PTPRG: variants seen among roughly 807,000 people sequenced by gnomAD.
PTPRG encodes the protein protein tyrosine phosphatase receptor type G, also known as receptor-type tyrosine-protein phosphatase gamma.
Under a neutral mutation model 165.3 loss-of-function variants are expected in PTPRG, and 102 were observed. The ratio of observed to expected loss-of-function variants is 0.62; its 90% CI spans 0.53 to 0.73. The LOEUF is 0.73. Among genes scored for constraint, PTPRG ranks in the 30% least tolerant of loss-of-function variants. The pLI, the probability that PTPRG is intolerant of heterozygous loss-of-function variation, is 0.00. For missense variants in PTPRG, 1,866 were observed against 1,861.4 expected (o/e 1.00, Z -0.05); for synonymous variants, 675 against 669.5 (o/e 1.01, Z -0.13).
intron 2 of PTPRG, among the ~76,000 whole-genome samples, chr3:61,908,981 A>G (rs1381623656): frequency 6.6e-6 from 1 of 152,154 alleles, no homozygotes; most frequent in Non-Finnish European, 1.5e-5. Flanking sequence ...TAGATATGCT[A>G]TCTTTTCTCA....
At chr3:62,018,283 G>C (rs2041598856) in intron 4 of PTPRG, among the ~76,000 whole-genome samples, 1 of 152,092 alleles carries the variant, frequency 6.6e-6, no homozygotes, top group Non-Finnish European at 1.5e-5. Context: ...CCTTATTACT[G>C]GTAAATGAAA....
At chr3:61,746,208 A>ATTTTTTTTTTTTT (rs750697053) in intron 1 of PTPRG, among the ~76,000 whole-genome samples, 7 of 81,322 alleles carry the variant, frequency 8.6e-5, no homozygotes, top group East Asian at 4.0e-4. Flanking sequence ...ACACACTCTA[A>ATTTTTTTTTTTTT]TTTTTTTTTT....
chr3:61,985,824 C>T (rs954955635), intron 2 of PTPRG, among the ~76,000 whole-genome samples: 1 of 152,202 alleles, frequency 6.6e-6, no homozygotes, highest in African/African-American at 2.4e-5. Context: ...AAGAGTTCTA[C>T]TGCACCCTTT....
rs921009846 is a variant in PTPRG at position 62,222,974 on chromosome 3, G to A, written c.2288+3991G>A. On this transcript the variant is annotated intron_variant, in intron 13 of 29. Transcript: ENST00000474889. The surrounding 1 kb of genome is among the most constrained non-coding windows in gnomAD (Gnocchi z 4.5). ...GGCTTCAGCCCAACCTGGAATAGGGGTTGGGGTCAGGGAAAGCTCCCTGGA... is the reference window on the plus strand; with the variant it reads ...GGCTTCAGCCCAACCTGGAATAGGGATTGGGGTCAGGGAAAGCTCCCTGGA... 6.6e-6 allele frequency among the ~76,000 whole-genome samples: 1 copy of A among 152,150 alleles called. No homozygotes were observed. The highest frequency in any genetic ancestry group is 1.5e-5 in the Non-Finnish European group (1 of 68,032).
rs1700589639 is a variant in PTPRG at position 62,219,157 on chromosome 3, T to A, written c.2288+174T>A. Reference sequence around the variant, plus strand: ...TCTGTTAGATGATGGCAGGGCCAGATCCACTTTTGAGGTCAAGGCATTTAT... The same window carrying A: ...TCTGTTAGATGATGGCAGGGCCAGAACCACTTTTGAGGTCAAGGCATTTAT... On this transcript the variant is annotated intron_variant, in intron 13 of 29. Transcript: ENST00000474889. This position sits in a 1 kb window ranked among gnomAD's most constrained non-coding sequence, Gnocchi z 4.5. Among the ~76,000 whole-genome samples, 1 of 152,194 alleles carries A rather than the reference T, an allele frequency of 6.6e-6. No homozygotes were observed. The highest frequency in any genetic ancestry group is 1.5e-5 in the Non-Finnish European group (1 of 68,032).
intron 2 of PTPRG, among the ~76,000 whole-genome samples, chr3:61,800,428 T>G (rs1208812051): frequency 6.6e-6 from 1 of 152,030 alleles, no homozygotes; most frequent in Non-Finnish European, 1.5e-5. Context: ...CTTGGAGAGT[T>G]TCCCAAGGAG....
chr3:61,791,827 A>G (rs1240438019), intron 2 of PTPRG, among the ~76,000 whole-genome samples: 3 of 152,318 alleles, frequency 2.0e-5, no homozygotes, highest in East Asian at 3.9e-4. Context: ...AATGACATCT[A>G]TAAACTACAA....
intron 2 of PTPRG, among the ~76,000 whole-genome samples, chr3:61,940,351 A>G (rs985572861): frequency 4.6e-5 from 7 of 152,190 alleles, no homozygotes; most frequent in Admixed American, 6.5e-5. Context: ...GTGCGTAATT[A>G]GTAGATAGGT....
At chr3:62,001,126 A>G (rs2041163587) in intron 3 of PTPRG, among the ~76,000 whole-genome samples, 2 of 152,230 alleles carry the variant, frequency 1.3e-5, no homozygotes, top group Non-Finnish European at 2.9e-5. Context: ...ATCACTGGTC[A>G]TCAGAAAATG....
chr3:61,973,044 A>G (rs1207082284), intron 2 of PTPRG, among the ~76,000 whole-genome samples: 1 of 152,124 alleles, frequency 6.6e-6, no homozygotes, highest in Non-Finnish European at 1.5e-5. Context: ...ATAAATGAAA[A>G]CAAGCTGTCC....
At chr3:62,069,371 T>A (rs1216500916) in intron 4 of PTPRG, among the ~76,000 whole-genome samples, 1 of 152,142 alleles carries the variant, frequency 6.6e-6, no homozygotes, top group East Asian at 1.9e-4. Context: ...CTGCCAACTT[T>A]ATGGATATTT....
At chr3:61,895,978 CT>C (rs2038345715) in intron 2 of PTPRG, among the ~76,000 whole-genome samples, 1 of 152,132 alleles carries the variant, frequency 6.6e-6, no homozygotes, top group Non-Finnish European at 1.5e-5. Context: ...TCTGGTAAAA[CT>C]ATGGTATATC....
intron 2 of PTPRG, among the ~76,000 whole-genome samples, chr3:61,754,671 T>TC (rs2033573759): frequency 6.6e-6 from 1 of 152,140 alleles, no homozygotes; most frequent in Non-Finnish European, 1.5e-5. Flanking sequence ...TCAGATAAAT[T>TC]AGTGGGTGAT....
chr3:61,688,511 T>C (rs1410803092), intron 1 of PTPRG, among the ~76,000 whole-genome samples: 1 of 152,170 alleles, frequency 6.6e-6, no homozygotes, highest in Non-Finnish European at 1.5e-5. Context: ...TGTCGGTGAT[T>C]AGTTGCACGG....
At chr3:61,919,789 T>G (rs554411102) in intron 2 of PTPRG, among the ~76,000 whole-genome samples, 3 of 152,308 alleles carry the variant, frequency 2.0e-5, no homozygotes, top group African/African-American at 4.8e-5. Flanking sequence ...TAAAAAAGTT[T>G]CTGGAATTGC....
chr3:62,265,815 A>G (rs1268442059), intron 17 of PTPRG, among the ~76,000 whole-genome samples: 1 of 151,536 alleles, frequency 6.6e-6, no homozygotes, highest in African/African-American at 2.4e-5. Flanking sequence ...AAGGATATGT[A>G]TACATCTGTG....
rs530836346 is a variant in PTPRG, at chr3:61,672,094, A to G, written c.86-76784A>G. 6.6e-3 allele frequency among the ~76,000 whole-genome samples: 985 copies of G among 148,758 alleles called. 14 individuals are homozygous for G. Among genetic ancestry groups the G allele is most frequent in the African/African-American group, 0.023 (914 of 39,668 alleles). ...CACATCCCGGACGGGGCAGCAGGGC[A>G]GAGGTGCTCCCCACATCTCAGACGA... On this transcript the variant is annotated intron_variant, in intron 1 of 29. Coordinates refer to ENST00000474889, the MANE Select transcript of PTPRG (RefSeq NM_002841.4).
intron 5 of PTPRG, among the ~76,000 whole-genome samples, chr3:62,092,365 A>T (rs1433790809): frequency 1.4e-5 from 2 of 145,982 alleles, no homozygotes; most frequent in Non-Finnish European, 3.0e-5. Context: ...GCTTGAACCC[A>T]GGAGGCAGAG....
chr3:62,076,444 G>C (rs1222654008), intron 4 of PTPRG, among the ~76,000 whole-genome samples: 1 of 152,162 alleles, frequency 6.6e-6, no homozygotes, highest in Non-Finnish European at 1.5e-5. Context: ...GCCTAAGAAA[G>C]CTGGTGCTTG....
Sources: allele counts gnomAD v4.1 joint callset (sites outside exome capture counted in the v4.1 genomes callset), GRCh38; gene constraint gnomAD v4.1.1; non-coding constraint Gnocchi (gnomAD v3.1); transcripts MANE v1.5; gene names NCBI Gene and HGNC (gene_info 2026-07-23, HGNC 2026-07-21).